SSBP2: variants seen among roughly 807,000 people sequenced by gnomAD.
SSBP2 encodes single stranded DNA binding protein 2.
Under a neutral mutation model 61.8 loss-of-function variants are expected in SSBP2, and 17 were observed. The observed-to-expected ratio is 0.28, with a 90% CI of 0.19 to 0.41. The LOEUF is 0.41. Ranked by LOEUF, SSBP2 falls within the 10% of genes least tolerant of loss-of-function variation. The pLI, the probability that SSBP2 is intolerant of heterozygous loss-of-function variation, is 1.00. For missense variants in SSBP2, 310 were observed against 458.7 expected (o/e 0.68, Z 2.96); for synonymous variants, 139 against 141.3 (o/e 0.98, Z 0.12).
intron 1 of SSBP2, among the ~76,000 whole-genome samples, chr5:81,651,492 T>TTG (rs1749725750): frequency 3.3e-5 from 5 of 152,192 alleles, no homozygotes; most frequent in Non-Finnish European, 7.3e-5. Context: ...CTGTAGCTAC[T>TTG]AAACACCTTG....
upstream of SSBP2, among the ~76,000 whole-genome samples, chr5:81,751,490 G>A (rs1030950730): frequency 1.3e-5 from 2 of 152,066 alleles, no homozygotes; most frequent in South Asian, 2.1e-4. Flanking sequence ...GGCGCCGGGA[G>A]GAGGAGAAAC....
In SSBP2 at chr5:81,751,092, A is replaced by T; in HGVS notation, c.-50T>A. On this transcript the variant is annotated 5_prime_UTR_variant, in exon 1 of 17. Coordinates refer to ENST00000320672, the MANE Select transcript of SSBP2 (RefSeq NM_012446.5). ...TGTCACGCACCTGTCAACCCATCAC[A>T]GCCTCCCCGGGAACAGCCCCGTCCC... 2 of 1,548,008 alleles carry T rather than the reference A, an allele frequency of 1.3e-6. No individual in the cohort carries two copies. The highest frequency in any genetic ancestry group is 1.7e-6 in the Non-Finnish European group (2 of 1,142,970).
At chr5:81,645,672 GA>G (rs1749181555) in intron 2 of SSBP2, among the ~76,000 whole-genome samples, 2 of 152,148 alleles carry the variant, frequency 1.3e-5, no homozygotes, top group Non-Finnish European at 1.5e-5. Flanking sequence ...TGTAGAATTG[GA>G]AAGAAGATTC....
intron 10 of SSBP2, among the ~76,000 whole-genome samples, chr5:81,460,647 A>G (rs1009891215): frequency 6.6e-6 from 1 of 152,234 alleles, no homozygotes; most frequent in African/African-American, 2.4e-5. Flanking sequence ...TGTAATTGAT[A>G]TAGCAAATAA....
Position 81,687,141 on chromosome 5 carries a change from C to T in SSBP2, c.63-36802G>A, listed in dbSNP as rs146079617. On this transcript the variant is annotated intron_variant, in intron 1 of 16. Transcript: ENST00000320672. ...TTTGAATTACTGATGCCACCCTACC[C>T]GATCACCCGGCAGCGGCCGCATGGT... Among the ~76,000 whole-genome samples the T allele has an allele frequency of 2.9e-3, 442 of 152,336 alleles. 1 individual carries two copies. Among genetic ancestry groups the T allele is most frequent in the Non-Finnish European group, 4.0e-3 (272 of 68,026 alleles).
intron 1 of SSBP2, among the ~76,000 whole-genome samples, chr5:81,722,409 T>C (rs1318116751): frequency 6.6e-6 from 1 of 151,700 alleles, no homozygotes; most frequent in East Asian, 1.9e-4. Flanking sequence ...TTTTTTTTTT[T>C]TTCAAAATGA....
At chr5:81,425,977 GGCA>G (rs1283590697) in intron 16 of SSBP2, among the ~76,000 whole-genome samples, 9 of 152,138 alleles carry the variant, frequency 5.9e-5, no homozygotes. Context: ...ATCCTTAAAA[GGCA>G]GACTGCTCAA....
intron 1 of SSBP2, among the ~76,000 whole-genome samples, chr5:81,749,793 C>G (rs972698040): frequency 2.0e-5 from 3 of 152,240 alleles, no homozygotes; most frequent in Admixed American, 6.5e-5. Flanking sequence ...TGCAGTGTGC[C>G]GTGACAGTGG....
chr5:81,737,489 T>C (rs936266150), intron 1 of SSBP2, among the ~76,000 whole-genome samples: 18 of 152,110 alleles, frequency 1.2e-4, no homozygotes, highest in African/African-American at 4.1e-4. Context: ...TCTTAAAAAC[T>C]GAGCCCTGTT....
chr5:81,685,043 G>A (rs1055278859), intron 1 of SSBP2, among the ~76,000 whole-genome samples: 2 of 151,994 alleles, frequency 1.3e-5, no homozygotes, highest in Non-Finnish European at 1.5e-5. Context: ...GAGTTCTCAC[G>A]AGATCTGATA....
intron 5 of SSBP2, among the ~76,000 whole-genome samples, chr5:81,506,553 T>C (rs1011140079): frequency 6.6e-6 from 1 of 152,130 alleles, no homozygotes; most frequent in Non-Finnish European, 1.5e-5. Flanking sequence ...TGGCTTAGAG[T>C]ACTTTCTGAG....
chr5:81,748,662 C>T (rs1287276442), intron 1 of SSBP2, among the ~76,000 whole-genome samples: 1 of 152,170 alleles, frequency 6.6e-6, no homozygotes, highest in African/African-American at 2.4e-5. Flanking sequence ...ATAAGGCAAA[C>T]CAGTCAAGAA....
At chr5:81,704,372 C>T (rs141648688) in intron 1 of SSBP2, among the ~76,000 whole-genome samples, 1 of 152,332 alleles carries the variant, frequency 6.6e-6, no homozygotes, top group African/African-American at 2.4e-5. Context: ...AGTTCTACCA[C>T]TTACATTACA....
chr5:81,651,748 T>A (rs1749748051), intron 1 of SSBP2, among the ~76,000 whole-genome samples: 1 of 152,190 alleles, frequency 6.6e-6, no homozygotes, highest in African/African-American at 2.4e-5. Context: ...AATTGGAATA[T>A]TCCTGTAGTT....
chr5:81,678,475 G>C (rs1397197220), intron 1 of SSBP2, among the ~76,000 whole-genome samples: 2 of 151,974 alleles, frequency 1.3e-5, no homozygotes, highest in Admixed American at 6.6e-5. Flanking sequence ...AGTAGGAAAG[G>C]AAAGAGAAAA....
intron 1 of SSBP2, among the ~76,000 whole-genome samples, chr5:81,686,011 A>C (rs940336306): frequency 3.0e-4 from 46 of 152,344 alleles, no homozygotes; most frequent in African/African-American, 1.1e-3. Context: ...CATTTTTCTC[A>C]AAAAATTTCC....
At chr5:81,743,591 C>T (rs985439011) in intron 1 of SSBP2, among the ~76,000 whole-genome samples, 1 of 152,130 alleles carries the variant, frequency 6.6e-6, no homozygotes, top group East Asian at 1.9e-4. Flanking sequence ...TGCTAAAGAT[C>T]CCAAGTTTTG....
At chr5:81,702,263 C>G (rs1341747017) in intron 1 of SSBP2, among the ~76,000 whole-genome samples, 1 of 152,152 alleles carries the variant, frequency 6.6e-6, no homozygotes, top group African/African-American at 2.4e-5. Flanking sequence ...CCCAGCTACT[C>G]AGGAGGCTGA....
At position 81,487,135 on chromosome 5, in the gene SSBP2, G is replaced by A. The variant is rs375023115; in HGVS notation, c.432+2115C>T. ...AAAAGAGAACTTATTGTAATAACAT[G>A]GTTTACCTTAAATATGGGATAAAGC... On this transcript the variant is annotated intron_variant, in intron 6 of 16. Transcript: ENST00000320672. 3.3e-5 allele frequency among the ~76,000 whole-genome samples: 5 copies of A among 152,222 alleles called. No individual in the cohort carries two copies. The South Asian group carries it at 6.2e-4, about 19-fold the overall frequency.
Sources: allele counts gnomAD v4.1 joint callset (sites outside exome capture counted in the v4.1 genomes callset), GRCh38; gene constraint gnomAD v4.1.1; transcripts MANE v1.5; gene names NCBI Gene and HGNC (gene_info 2026-07-23, HGNC 2026-07-21).